Variants in LINC00632 observed in about 807,000 individuals in gnomAD.
LINC00632 encodes the protein ALDOA related specific transcript.
chrX:140,749,788 T>A (rs968345599), intron 3 of LINC00632, among the ~76,000 whole-genome samples: 7 of 110,791 alleles, frequency 6.3e-5, no homozygotes, highest in African/African-American at 2.0e-4. Flanking sequence ...CAAGTGATTT[T>A]CCCACCTTAG....
chrX:140,788,330 TAAAA>T (rs1336006472), exon 5 of LINC00632, among the ~76,000 whole-genome samples: 1 of 110,328 alleles, frequency 9.1e-6, no homozygotes, highest in Non-Finnish European at 1.9e-5. Flanking sequence ...TAACATTAAA[TAAAA>T]AGGCAAGTTA....
At chrX:140,716,780 T>TGC (rs769825806) in intron 2 of LINC00632, among the ~76,000 whole-genome samples, 1 of 89,813 alleles carries the variant, frequency 1.1e-5, no homozygotes, top group Non-Finnish European at 2.2e-5. Context: ...GCCCACAACA[T>TGC]ACACACACAC....
intron 2 of LINC00632, among the ~76,000 whole-genome samples, chrX:140,723,446 CA>C (rs1265742215): frequency 1.5e-4 from 4 of 26,328 alleles, no homozygotes; most frequent in African/African-American, 5.5e-4. Flanking sequence ...TACATACACA[CA>C]CATTCCACAC....
At chrX:140,738,464 G>T (rs1257545700) in intron 3 of LINC00632, among the ~76,000 whole-genome samples, 1 of 112,332 alleles carries the variant, frequency 8.9e-6, no homozygotes, top group Non-Finnish European at 1.9e-5. Flanking sequence ...TGTCACTTTT[G>T]AATTTCTGCC....
At chrX:140,769,752 A>T (rs1931759020) in intron 3 of LINC00632, among the ~76,000 whole-genome samples, 1 of 109,817 alleles carries the variant, frequency 9.1e-6, no homozygotes, top group South Asian at 4.0e-4. Context: ...ATCTAATTCC[A>T]CGCGTACCCA....
intron 3 of LINC00632, among the ~76,000 whole-genome samples, chrX:140,770,125 G>A (rs1159606914): frequency 2.7e-5 from 3 of 110,984 alleles, no homozygotes; most frequent in Non-Finnish European, 5.7e-5. Context: ...CATCAGAGGC[G>A]TTTGAACCAG....
intron 2 of LINC00632, among the ~76,000 whole-genome samples, chrX:140,712,854 G>A (rs1383145746): frequency 9.3e-6 from 1 of 107,249 alleles, no homozygotes; most frequent in Non-Finnish European, 1.9e-5. Context: ...TGATTCTGGG[G>A]GGGAAAAAAA....
chrX:140,753,898 G>A (rs1422979820), intron 3 of LINC00632, among the ~76,000 whole-genome samples: 1 of 104,444 alleles, frequency 9.6e-6, no homozygotes, highest in Non-Finnish European at 1.9e-5. Flanking sequence ...GCCTCAGCCT[G>A]CCGAGTAGTT....
chrX:140,772,884 A>G (rs187653553), exon 4 of LINC00632, among the ~76,000 whole-genome samples: 47 of 112,468 alleles, frequency 4.2e-4, no homozygotes, highest in Non-Finnish European at 5.4e-4. Context: ...ATGGAAAGTT[A>G]TAAAATTCAT....
At chrX:140,787,696 CTAATG>C (rs1199650033) in exon 5 of LINC00632, among the ~76,000 whole-genome samples, 3 of 111,214 alleles carry the variant, frequency 2.7e-5, no homozygotes, top group Non-Finnish European at 5.7e-5. Flanking sequence ...TTGTAACTAT[CTAATG>C]GAATACTGTG....
intron 2 of LINC00632, among the ~76,000 whole-genome samples, chrX:140,728,103 G>T (rs1930993197): frequency 9.0e-6 from 1 of 110,628 alleles, no homozygotes; most frequent in Non-Finnish European, 1.9e-5. Context: ...AACTGGGCAT[G>T]GTGGCGCATG....
chrX:140,740,989 G>A (rs1307635114), intron 3 of LINC00632, among the ~76,000 whole-genome samples: 2 of 111,749 alleles, frequency 1.8e-5, no homozygotes, highest in African/African-American at 3.3e-5. Context: ...TGTAGAACAG[G>A]GGTAGTTAGT....
At chrX:140,738,790 CT>C (rs775289603) in intron 3 of LINC00632, among the ~76,000 whole-genome samples, 3 of 111,947 alleles carry the variant, frequency 2.7e-5, no homozygotes, top group Non-Finnish European at 5.6e-5. Context: ...GATTTTTAGA[CT>C]TTTAAAAAAT....
intron 2 of LINC00632, among the ~76,000 whole-genome samples, chrX:140,717,008 G>C (rs749088145): frequency 9.2e-6 from 1 of 108,950 alleles, no homozygotes; most frequent in East Asian, 2.9e-4. Flanking sequence ...TTTTTGAGAC[G>C]GTGTCTCACT....
exon 5 of LINC00632, among the ~76,000 whole-genome samples, chrX:140,787,948 T>C (rs2148407397): frequency 9.0e-6 from 1 of 110,735 alleles, no homozygotes; most frequent in Non-Finnish European, 1.9e-5. Flanking sequence ...AAATATTATA[T>C]AGTCATTATA....
chrX:140,771,491 AT>A (rs1223344196), intron 3 of LINC00632, among the ~76,000 whole-genome samples: 2 of 106,585 alleles, frequency 1.9e-5, no homozygotes, highest in East Asian at 6.0e-4. Flanking sequence ...TTACCTTCTA[AT>A]TGATACAAGT....
intron 3 of LINC00632, among the ~76,000 whole-genome samples, chrX:140,750,414 A>C (rs112857134): frequency 0.038 from 4,164 of 110,512 alleles, 185 homozygotes; most frequent in African/African-American, 0.13. Context: ...AAGCGTTGTC[A>C]CCACAAAAAT....
chrX:140,712,341 C>T (rs1267042345), intron 2 of LINC00632: 1 of 105,792 alleles, frequency 9.5e-6, no homozygotes, highest in Non-Finnish European at 1.9e-5. Context: ...CTCTTAGGCG[C>T]ACCTGATATC....
chrX:140,770,723 C>T (rs1266081270), intron 3 of LINC00632, among the ~76,000 whole-genome samples: 1 of 111,507 alleles, frequency 9.0e-6, no homozygotes, highest in South Asian at 3.8e-4. Context: ...ACTCATGCTC[C>T]GATTCCCTCA....
Sources: allele counts gnomAD v4.1 joint callset (sites outside exome capture counted in the v4.1 genomes callset), GRCh38; gene constraint gnomAD v4.1.1; transcripts MANE v1.5; gene names NCBI Gene and HGNC (gene_info 2026-07-23, HGNC 2026-07-21).